The following GZMM variants were observed in gnomAD, a reference collection of about 807,000 sequenced individuals.
GZMM encodes HU-Met-1.
Under a neutral mutation model 19.2 loss-of-function variants are expected in GZMM, and 23 were observed. That is an observed-to-expected ratio of 1.20 (90% CI 0.86 to 1.69). GZMM has a LOEUF of 1.69. Among genes scored for constraint, GZMM ranks in the 40% most tolerant of loss-of-function variants. The pLI, the probability that GZMM is intolerant of heterozygous loss-of-function variation, is 0.00. For synonymous variants in GZMM, 178 were observed against 160.2 expected (o/e 1.11, Z -0.84); for missense variants, 373 against 352.2 (o/e 1.06, Z -0.47).
rs962396469 is a variant in GZMM, at chr19:544,654, GTCA to G, written c.55+537_55+539del. 4.6e-5 allele frequency among the ~76,000 whole-genome samples: 7 copies of G among 152,024 alleles called. No homozygotes were observed. In the South Asian group the frequency reaches 8.3e-4, roughly 18 times the overall value. The stretch of plus-strand genomic sequence containing the variant: ...GACAGAGGTAGGAATCCAGCCGTCA[GTCA>G]TCATCATCCTTCCTCCCATTTTTAT... On this transcript the variant is annotated intron_variant, in intron 1 of 4. Transcript: ENST00000264553.
Position 549,817 on chromosome 19 carries a change from C to T in GZMM, c.*26C>T, listed in dbSNP as rs761156084. 7.7e-5 allele frequency: 105 copies of T among 1,358,690 alleles called. No individual in the cohort carries two copies. Among genetic ancestry groups the T allele is most frequent in the East Asian group, 1.3e-4 (3 of 22,480 alleles). The allele number at this position is 1,358,690 out of a possible 1,614,324, so 84.2% of individuals were successfully genotyped here. A position where few individuals can be genotyped will look rare whatever the true frequency, so the allele number is the denominator to read the frequency against. ...TGCCCTGGGGTGATGGGGACCCCCT[C>T]GCTGTCTCCACAGGACCCTTCCCCT... On this transcript the variant is annotated 3_prime_UTR_variant, in exon 5 of 5. Transcript: ENST00000264553.
At position 549,857 on chromosome 19, in the gene GZMM, G is replaced by A. The variant is rs1568336763; in HGVS notation, c.*66G>A. 1 of 1,129,972 alleles carries A rather than the reference G, an allele frequency of 8.8e-7. No homozygotes were observed. The highest frequency in any genetic ancestry group is 1.5e-5 in the African/African-American group (1 of 65,862). 70.0% of individuals were successfully genotyped at this position (1,129,972 alleles called of 1,614,324 possible). A position where few individuals can be genotyped will look rare whatever the true frequency, so the allele number is the denominator to read the frequency against. ...ACCCTTCCCCTCCAGGGGTGCAGTG[G>A]GGTGGGTGAGGACGGGTGGGAGGGA... On this transcript the variant is annotated 3_prime_UTR_variant, in exon 5 of 5. Transcript: ENST00000264553.
In GZMM at chr19:549,666, C is replaced by T. The variant is rs764684750; in HGVS notation, c.649C>T (p.Arg217Trp). 4 of 1,613,634 alleles carry T rather than the reference C, an allele frequency of 2.5e-6. No individual in the cohort carries two copies. Among genetic ancestry groups the T allele is most frequent in the African/African-American group, 1.3e-5 (1 of 75,046 alleles). ...CGGGCCCCTGGTGTGTGGCAAAGGCCGGGTGTTGGCCAGAGTCCTGTCCTT... is the reference window on the plus strand; with the variant it reads ...CGGGCCCCTGGTGTGTGGCAAAGGCTGGGTGTTGGCCAGAGTCCTGTCCTT... ...SGGPLVCGKG[R>W]VLARVLSFSS... is the part of the protein sequence containing the mutation. Residue 217 changes from arginine (R) to tryptophan (W), a missense_variant, in exon 5 of 5, where the codon CGG (arginine) becomes TGG (tryptophan). Coordinates refer to ENST00000264553, the MANE Select transcript of GZMM (RefSeq NM_005317.4).
chr19:546,277 G>A (rs940771088), intron 1 of GZMM, among the ~76,000 whole-genome samples: 16 of 152,120 alleles, frequency 1.1e-4, no homozygotes, highest in East Asian at 3.9e-4. Flanking sequence ...AGTGGCTCAC[G>A]CCTGTCATCC....
Position 548,570 on chromosome 19 carries a change from C to T in GZMM, c.241C>T (p.Leu81Phe), listed in dbSNP as rs372439590. The change falls in exon 3 of 5, where the codon CTC (leucine) becomes TTC (phenylalanine). Residue 81 changes from leucine (L) to phenylalanine (F), a missense_variant. Leu to Phe is a conservative substitution (Grantham distance 22, BLOSUM62 0). Coordinates refer to ENST00000264553, the MANE Select transcript of GZMM (RefSeq NM_005317.4). ...GGCCCAGCTGAGGCTGGTGCTGGGGCTCCACACCCTGGACAGCCCCGGTCT... is the reference window on the plus strand; with the variant it reads ...GGCCCAGCTGAGGCTGGTGCTGGGGTTCCACACCCTGGACAGCCCCGGTCT... ...RMAQLRLVLG[L>F]HTLDSPGLTF... 9.9e-6 allele frequency: 16 copies of T among 1,613,242 alleles called. No homozygotes were observed. Among genetic ancestry groups the T allele is most frequent in the Admixed American group, 1.7e-5 (1 of 59,988 alleles).
chr19:549,639 G>A lies in GZMM; in HGVS notation c.622G>A (p.Gly208Ser). ...KDQAPCKGDS[G>S]GPLVCGKGRV... ...TGTGTCGTCCCTGCAGGGTGACTCG[G>A]GCGGGCCCCTGGTGTGTGGCAAAGG... The change falls in exon 5 of 5, where the codon GGC becomes AGC. Residue 208 changes from glycine (G) to serine (S), a missense_variant. Coordinates refer to ENST00000264553, the MANE Select transcript of GZMM (RefSeq NM_005317.4). 6.2e-7 allele frequency: 1 copy of A among 1,612,248 alleles called. No homozygotes were observed. Among genetic ancestry groups the A allele is most frequent in the Non-Finnish European group, 8.5e-7 (1 of 1,179,820 alleles).
intron 1 of GZMM, among the ~76,000 whole-genome samples, chr19:545,094 C>CCT: frequency 6.6e-6 from 1 of 151,842 alleles, no homozygotes; most frequent in East Asian, 1.9e-4. Context: ...TCCATTCCTC[C>CCT]TTCCATCCCT....
chr19:544,479 C>T (rs1054306175), intron 1 of GZMM, among the ~76,000 whole-genome samples: 7 of 152,008 alleles, frequency 4.6e-5, no homozygotes, highest in Non-Finnish European at 1.0e-4. Flanking sequence ...AGCTGGGACT[C>T]GATCCCCGCT....
Position 548,695 on chromosome 19 carries a change from A to G in GZMM, c.348+18A>G. 2 of 1,611,010 alleles carry G rather than the reference A, an allele frequency of 1.2e-6. No homozygotes were observed. Among genetic ancestry groups the G allele is most frequent in the Non-Finnish European group, 1.7e-6 (2 of 1,179,044 alleles). ...TGCTTCAGGTGTGCAGGGACGGGAC[A>G]GGGAGAACTGGGCACCCTCCTGTCC... is the stretch of plus-strand genomic sequence containing the variant. On this transcript the variant is annotated intron_variant, in intron 3 of 4. Coordinates refer to ENST00000264553, the MANE Select transcript of GZMM (RefSeq NM_005317.4).
Position 548,457 on chromosome 19 carries a change from A to G in GZMM, c.213-85A>G, listed in dbSNP as rs186818173. 1.2e-3 allele frequency: 1,613 copies of G among 1,383,032 alleles called. 18 individuals carry two copies. In the African/African-American group the frequency reaches 0.02, roughly 17 times the overall value. The allele number at this position is 1,383,032 out of a possible 1,614,324, so 85.7% of individuals were successfully genotyped here. ...CGGCTGTGAGTGATGGCCATGGACA[A>G]CGGGCACAGTGGGGGCCGGGACTGC... On this transcript the variant is annotated intron_variant, in intron 2 of 4. Coordinates refer to ENST00000264553, the MANE Select transcript of GZMM (RefSeq NM_005317.4).
chr19:544,882 G>A (rs1419025389), intron 1 of GZMM, among the ~76,000 whole-genome samples: 7 of 86,654 alleles, frequency 8.1e-5, no homozygotes, highest in Admixed American at 5.4e-4. Flanking sequence ...CCTTCCCTCC[G>A]CCAGTCCATC....
In GZMM at chr19:549,109, G is replaced by GC; in HGVS notation, c.538dup (p.Arg180ProfsTer27). The stretch of plus-strand genomic sequence containing the variant: ...CTGGACACCCGCATGTGTAACAACA[G>GC]CCGCTTCTGGAACGGCAGCCTCTCC... On this transcript the variant is annotated frameshift_variant, in exon 4 of 5. Coordinates refer to ENST00000264553, the MANE Select transcript of GZMM (RefSeq NM_005317.4). LOFTEE classifies it high-confidence loss of function. 1.3e-6 allele frequency: 2 copies of GC among 1,583,002 alleles called. No individual in the cohort carries two copies. The highest frequency in any genetic ancestry group is 1.7e-6 in the Non-Finnish European group (2 of 1,165,810).
At chr19:549,228 GA>G in intron 4 of GZMM, 43 bp downstream of exon 4, 1 of 1,525,136 alleles carries the variant, frequency 6.6e-7, no homozygotes, top group Non-Finnish European at 8.8e-7. Context: ...AGGCTGGCGG[GA>G]GGGCCGGGGC....
chr19:549,681 G>A lies in GZMM; in HGVS notation c.664G>A (p.Val222Ile). ...VCGKGRVLAR[V>I]LSFSSRVCTD... ...TGGCAAAGGCCGGGTGTTGGCCAGA[G>A]TCCTGTCCTTCAGCTCCAGGGTCTG... The change falls in exon 5 of 5, where the codon GTC (valine) becomes ATC (isoleucine). Residue 222 changes from valine to isoleucine, a missense_variant. Transcript: ENST00000264553. 1.2e-6 allele frequency: 2 copies of A among 1,613,790 alleles called. No individual in the cohort carries two copies. Among genetic ancestry groups the A allele is most frequent in the Non-Finnish European group, 1.7e-6 (2 of 1,179,924 alleles).
chr19:549,842 T>A lies in GZMM; in HGVS notation c.*51T>A. 1 of 805,456 alleles carries A rather than the reference T, an allele frequency of 1.2e-6. No homozygotes were observed. Among genetic ancestry groups the A allele is most frequent in the Non-Finnish European group, 1.9e-6 (1 of 520,164 alleles). 49.9% of individuals were successfully genotyped at this position (805,456 alleles called of 1,614,324 possible). On this transcript the variant is annotated 3_prime_UTR_variant, in exon 5 of 5. Coordinates refer to ENST00000264553, the MANE Select transcript of GZMM (RefSeq NM_005317.4). ...CGCTGTCTCCACAGGACCCTTCCCC[T>A]CCAGGGGTGCAGTGGGGTGGGTGAG...
chr19:547,312 C>A lies in GZMM; in HGVS notation c.88C>A (p.Arg30=). The A allele has an allele frequency of 3.8e-6, 6 of 1,566,754 alleles. No homozygotes were observed. The highest frequency in any genetic ancestry group is 1.7e-4 in the Middle Eastern group (1 of 5,902). Residue 30 remains arginine (R), a synonymous_variant, in exon 2 of 5, where the codon CGG becomes AGG. Coordinates refer to ENST00000264553, the MANE Select transcript of GZMM (RefSeq NM_005317.4). ...CTTTGGGACCCAGATCATCGGGGGC[C>A]GGGAGGTGATCCCCCACTCGCGCCC... ...SSFGTQIIGG[R]EVIPHSRPYM... is the part of the protein sequence containing the mutation.
rs966642935 is a variant in GZMM at position 549,112 on chromosome 19, G to A, written c.539G>A (p.Arg180His). The change falls in exon 4 of 5, where the codon CGC becomes CAC. Residue 180 changes from arginine (R) to histidine (H), a missense_variant. By Grantham distance (29) the Arg-to-His change is conservative. Transcript: ENST00000264553. ...VLDTRMCNNS[R>H]FWNGSLSPSM... is the part of the protein sequence containing the mutation. Reference sequence around the variant, plus strand: ...GACACCCGCATGTGTAACAACAGCCGCTTCTGGAACGGCAGCCTCTCCCCC... The same window carrying A: ...GACACCCGCATGTGTAACAACAGCCACTTCTGGAACGGCAGCCTCTCCCCC... 19 of 1,582,358 alleles carry A rather than the reference G, an allele frequency of 1.2e-5. No individual in the cohort carries two copies. The highest frequency in any genetic ancestry group is 1.1e-4 in the East Asian group (5 of 43,482).
Position 549,863 on chromosome 19 carries a change from G to GGGT in GZMM, c.*72_*73insGGT. ...CCCCTCCAGGGGTGCAGTGGGGTGG[G>GGGT]TGAGGACGGGTGGGAGGGACAGGGA... On this transcript the variant is annotated 3_prime_UTR_variant, in exon 5 of 5. Transcript: ENST00000264553. 1.8e-6 allele frequency: 1 copy of GGGT among 553,244 alleles called. No homozygotes were observed. Among genetic ancestry groups the GGGT allele is most frequent in the East Asian group, 5.2e-5 (1 of 19,322 alleles). 34.3% of individuals were successfully genotyped at this position (553,244 alleles called of 1,614,324 possible). A position where few individuals can be genotyped will look rare whatever the true frequency, so the allele number is the denominator to read the frequency against.
chr19:547,267 C>G lies in GZMM; in HGVS notation c.56-13C>G, dbSNP rs759450901. On this transcript the variant is annotated splice_polypyrimidine_tract_variant and intron_variant, in intron 1 of 4. Transcript: ENST00000264553. Reference sequence around the variant, plus strand: ...GTAGCCCCAACCTGGCTCTTTGTCCCCCATCCTGGCAGGCAGCTCCTTTGG... The same window carrying G: ...GTAGCCCCAACCTGGCTCTTTGTCCGCCATCCTGGCAGGCAGCTCCTTTGG... 4 of 1,497,920 alleles carry G rather than the reference C, an allele frequency of 2.7e-6. No homozygotes were observed. The East Asian group carries it at 7.7e-5, about 29-fold the overall frequency. The allele number at this position is 1,497,920 out of a possible 1,614,324, so 92.8% of individuals were successfully genotyped here.
Sources: gnomAD v4.1 joint callset for allele counts (sites outside exome capture counted in the v4.1 genomes callset) on GRCh38, gnomAD v4.1.1 for gene constraint, MANE v1.5 for transcripts, NCBI Gene and HGNC (gene_info 2026-07-23, HGNC 2026-07-21) for gene names.